RPL22: variants seen among roughly 807,000 people sequenced by gnomAD.
RPL22 encodes the protein ribosomal protein L22.
Under a neutral mutation model 16.2 loss-of-function variants are expected in RPL22, and 4 were observed. The observed-to-expected ratio is 0.25, with a 90% CI of 0.12 to 0.57. RPL22 has a LOEUF of 0.57. Among genes scored for constraint, RPL22 ranks in the 20% least tolerant of loss-of-function variants. The pLI, the probability that RPL22 is intolerant of heterozygous loss-of-function variation, is 0.92. For missense variants in RPL22, 83 were observed against 156.1 expected, an observed-to-expected ratio of 0.53 and a Z score of 2.49; for synonymous variants, 43 against 54.8, an observed-to-expected ratio of 0.78 and a Z score of 0.95.
intron 3 of RPL22, among the ~76,000 whole-genome samples, chr1:6,187,410 G>A (rs1028278046): frequency 6.6e-6 from 1 of 151,916 alleles, no homozygotes. Flanking sequence ...GTCAGGAAAC[G>A]GAGACCATCC....
chr1:6,197,984 G>A, intron 1 of RPL22: 1 of 568,292 alleles, frequency 1.8e-6, no homozygotes, highest in Non-Finnish European at 3.1e-6. Context: ...CCCTTTTGAT[G>A]GGGAAATCAT....
At chr1:6,194,690 G>A (rs2311384) in intron 2 of RPL22, among the ~76,000 whole-genome samples, 2,300 of 152,188 alleles carry the variant, frequency 0.015, 22 homozygotes, top group Non-Finnish European at 0.026. Context: ...AGTTCAAGAC[G>A]AGCCTGGGCA....
chr1:6,187,001 G>A (rs1667589870), intron 3 of RPL22, among the ~76,000 whole-genome samples, 185 bp from the exon 4 acceptor site: 1 of 152,128 alleles, frequency 6.6e-6, no homozygotes, highest in Non-Finnish European at 1.5e-5. Flanking sequence ...ACGTACCATC[G>A]ACATCGGCAG....
At chr1:6,194,325 T>A (rs1462666619) in intron 2 of RPL22, among the ~76,000 whole-genome samples, 1 of 152,178 alleles carries the variant, frequency 6.6e-6, no homozygotes, top group Non-Finnish European at 1.5e-5. Context: ...GCCTTCAACC[T>A]AGTAGAAAGA....
intron 3 of RPL22, among the ~76,000 whole-genome samples, chr1:6,191,452 G>A (rs1667649812): frequency 6.7e-6 from 1 of 150,198 alleles, no homozygotes; most frequent in Non-Finnish European, 1.5e-5. Context: ...CGGATCACGA[G>A]GTCAGGAGAT....
chr1:6,193,747 G>A (rs1452812471), intron 2 of RPL22, among the ~76,000 whole-genome samples: 1 of 152,120 alleles, frequency 6.6e-6, no homozygotes, highest in Non-Finnish European at 1.5e-5. Context: ...CAGCATACCT[G>A]GCCCTAATAT....
chr1:6,197,686 G>A lies in RPL22; in HGVS notation c.83C>T (p.Pro28Leu). Residue 28 changes from proline to leucine, a missense_variant, in exon 2 of 4, where the codon CCT (proline) becomes CTT (leucine). Pro to Leu is a moderately conservative substitution (Grantham distance 98). Coordinates refer to ENST00000234875, the MANE Select transcript of RPL22 (RefSeq NM_000983.4). ...VLKFTLDCTH[P>L]VEDGIMDAAN... is the part of the protein sequence containing the mutation. ...AGCATCCATGATTCCATCTTCTACA[G>A]GGTGGGTGCAATCAAGAGTGAACTT... 6.2e-7 allele frequency: 1 copy of A among 1,613,794 alleles called. No homozygotes were observed. Among genetic ancestry groups the A allele is most frequent in the Non-Finnish European group, 8.5e-7 (1 of 1,179,818 alleles).
Position 6,193,022 on chromosome 1 carries a change from G to A in RPL22, c.150C>T (p.Asn50=), listed in dbSNP as rs760767852. 1.2e-5 allele frequency: 20 copies of A among 1,613,936 alleles called. No individual in the cohort carries two copies. The highest frequency in any genetic ancestry group is 5.0e-5 in the Admixed American group (3 of 60,006). The change falls in exon 3 of 4, where the codon AAC becomes AAT. Residue 50 remains asparagine, a synonymous_variant. Coordinates refer to ENST00000234875, the MANE Select transcript of RPL22 (RefSeq NM_000983.4). ...CTCCACCAAGGTTCCCAGCTTTTCCGTTCACTTTGATCCTTTCTTGCAAAA... is the reference window on the plus strand; with the variant it reads ...CTCCACCAAGGTTCCCAGCTTTTCCATTCACTTTGATCCTTTCTTGCAAAA... ...EQFLQERIKV[N]GKAGNLGGGV...
At chr1:6,199,350 C>A in intron 1 of RPL22, 1 of 1,307,104 alleles carries the variant, frequency 7.7e-7, no homozygotes, top group Non-Finnish European at 9.8e-7. Flanking sequence ...TCCGAGACCT[C>A]CCGGATCTCC....
At position 6,186,028 on chromosome 1, in the gene RPL22, T is replaced by A. The variant is rs1221466726; in HGVS notation, c.*644A>T. On this transcript the variant is annotated 3_prime_UTR_variant, in exon 4 of 4. Transcript: ENST00000234875. ...TTGTTGCAAAGACCTGTAGAAACAT[T>A]ACTTACACGTTCATTTCTGTACACA... is the stretch of plus-strand genomic sequence containing the variant. 4.3e-6 allele frequency: 1 copy of A among 230,912 alleles called. No individual in the cohort carries two copies. Among genetic ancestry groups the A allele is most frequent in the Non-Finnish European group, 8.6e-6 (1 of 116,646 alleles). 14.3% of individuals were successfully genotyped at this position (230,912 alleles called of 1,614,324 possible). A position where few individuals can be genotyped will look rare whatever the true frequency, so the allele number is the denominator to read the frequency against.
chr1:6,193,163 G>A, intron 2 of RPL22, 109 bp from the exon 3 acceptor site: 1 of 1,353,068 alleles, frequency 7.4e-7, no homozygotes, highest in Non-Finnish European at 1.0e-6. Context: ...TTTTGGTTTT[G>A]GAGACAGAGT....
At position 6,186,532 on chromosome 1, in the gene RPL22, T is replaced by C; in HGVS notation, c.*140A>G. On this transcript the variant is annotated 3_prime_UTR_variant, in exon 4 of 4. Coordinates refer to ENST00000234875, the MANE Select transcript of RPL22 (RefSeq NM_000983.4). ...AGAAGTCAAGTTACAAATAAATGAG[T>C]GGCGAACCAAGGGAAGCCCTTTGAC... 4 of 564,742 alleles carry C rather than the reference T, an allele frequency of 7.1e-6. No homozygotes were observed. The highest frequency in any genetic ancestry group is 1.2e-5 in the Non-Finnish European group (4 of 333,314). 35.0% of individuals were successfully genotyped at this position (564,742 alleles called of 1,614,324 possible). A position where few individuals can be genotyped will look rare whatever the true frequency, so the allele number is the denominator to read the frequency against.
intron 3 of RPL22, among the ~76,000 whole-genome samples, chr1:6,190,577 T>A (rs994534839): frequency 2.6e-5 from 4 of 152,126 alleles, no homozygotes; most frequent in Non-Finnish European, 5.9e-5. Context: ...ACGGAGTTTC[T>A]CCATGTTGGT....
At chr1:6,188,264 C>G (rs1056521094) in intron 3 of RPL22, among the ~76,000 whole-genome samples, 28 of 152,288 alleles carry the variant, frequency 1.8e-4, no homozygotes, top group Non-Finnish European at 4.0e-4. Flanking sequence ...AACTCCTGGC[C>G]TCAAGTGTCT....
intron 2 of RPL22, among the ~76,000 whole-genome samples, chr1:6,194,727 A>C (rs1667693521): frequency 6.6e-6 from 1 of 152,108 alleles, no homozygotes; most frequent in Non-Finnish European, 1.5e-5. Context: ...CCTCTACAAA[A>C]AAATTTAAAA....
At chr1:6,192,809 A>G (rs1170747792) in intron 3 of RPL22, 121 bp downstream of exon 3, 3 of 1,197,724 alleles carry the variant, frequency 2.5e-6, no homozygotes, top group Middle Eastern at 2.9e-4. Flanking sequence ...TGCACTGAGC[A>G]TAGTTCCAGA....
At position 6,186,461 on chromosome 1, in the gene RPL22, A is replaced by G. The variant is rs1021060376; in HGVS notation, c.*211T>C. ...TTCGGTAAAGTCACCCTCTCCTTCT[A>G]CTCTGGTATTACCACGAGAATTGAA... On this transcript the variant is annotated 3_prime_UTR_variant, in exon 4 of 4. Transcript: ENST00000234875. The G allele has an allele frequency of 3.5e-5, 15 of 432,604 alleles. No individual in the cohort carries two copies. Among genetic ancestry groups the G allele is most frequent in the African/African-American group, 2.8e-4 (13 of 47,152 alleles). 26.8% of individuals were successfully genotyped at this position (432,604 alleles called of 1,614,324 possible).
At chr1:6,199,012 C>A (rs1311931051) in intron 1 of RPL22, 1 of 152,704 alleles carries the variant, frequency 6.5e-6, no homozygotes, top group African/African-American at 2.4e-5. Context: ...CAATGAGAGC[C>A]TTCTCCCTAC....
intron 3 of RPL22, among the ~76,000 whole-genome samples, chr1:6,190,001 G>A (rs541261144): frequency 9.7e-4 from 148 of 152,288 alleles, no homozygotes; most frequent in African/African-American, 2.7e-3. Flanking sequence ...GAACCTTTCA[G>A]GAAAATTAAC....
Sources: gnomAD v4.1 joint callset for allele counts (sites outside exome capture counted in the v4.1 genomes callset) on GRCh38, gnomAD v4.1.1 for gene constraint, MANE v1.5 for transcripts, NCBI Gene and HGNC (gene_info 2026-07-23, HGNC 2026-07-21) for gene names.